The following LONP1 variants were observed in gnomAD, a reference collection of about 807,000 sequenced individuals.
LONP1 encodes the protein lon protease homolog, mitochondrial.
In LONP1, 31 loss-of-function variants were observed where a neutral mutation model predicts 98.5. That is an observed-to-expected ratio of 0.31 (90% CI 0.24 to 0.42). The LOEUF (loss-of-function observed/expected upper bound fraction) is 0.42, where lower values mean the gene tolerates loss of function less well. Ranked by LOEUF, LONP1 falls within the 20% of genes least tolerant of loss-of-function variation. LONP1 has a pLI of 1.00. For synonymous variants in LONP1, 781 were observed against 594.7 expected (o/e 1.31, Z -4.56); for missense variants, 1,336 against 1,350.6 (o/e 0.99, Z 0.17).
intron 15 of LONP1, 37 bp from the exon 16 acceptor site, chr19:5,693,806 C>G (rs753796313): frequency 6.3e-7 from 1 of 1,574,876 alleles, no homozygotes; most frequent in African/African-American, 1.4e-5. Context: ...CGGGAGGCCT[C>G]GGAGCCCAGG....
At chr19:5,700,762 C>G in intron 9 of LONP1, 27 bp downstream of exon 9, 1 of 1,613,148 alleles carries the variant, frequency 6.2e-7, no homozygotes, top group Non-Finnish European at 8.5e-7. Flanking sequence ...ACATGCAAAT[C>G]CACAACAGGC....
chr19:5,694,688 T>TGGAAAGGTGGGGTGATCAG, intron 14 of LONP1, 73 bp downstream of exon 14: 1 of 1,490,786 alleles, frequency 6.7e-7, no homozygotes, highest in Non-Finnish European at 9.2e-7. Flanking sequence ...ATGATGGGCA[T>TGGAAAGGTGGGGTGATCAG]GGAAAGGTGG....
rs1363467029 is a variant in LONP1 at position 5,720,123 on chromosome 19, T to C, written c.10A>G (p.Ser4Gly). ...CCCCACAGTCGCACGTAGCCAGTGCTCGCCGCCATAGCCCGGCCATACTGG... is the reference window on the plus strand; with the variant it reads ...CCCCACAGTCGCACGTAGCCAGTGCCCGCCGCCATAGCCCGGCCATACTGG... The part of the protein sequence containing the change: MAA[S>G]TGYVRLWGAA... The change falls in exon 1 of 18, where the codon AGC becomes GGC. Residue 4 changes from serine to glycine, a missense_variant. Ser to Gly is a moderately conservative substitution (Grantham distance 56). Coordinates refer to ENST00000360614, the MANE Select transcript of LONP1 (RefSeq NM_004793.4). 6 of 1,425,652 alleles carry C rather than the reference T, an allele frequency of 4.2e-6. No homozygotes were observed. Among genetic ancestry groups the C allele is most frequent in the Non-Finnish European group, 5.5e-6 (6 of 1,098,426 alleles). 88.3% of individuals were successfully genotyped at this position (1,425,652 alleles called of 1,614,324 possible). A position where few individuals can be genotyped will look rare whatever the true frequency, so the allele number is the denominator to read the frequency against.
chr19:5,697,321 T>G (rs1399065785), intron 10 of LONP1, among the ~76,000 whole-genome samples: 2 of 151,524 alleles, frequency 1.3e-5, no homozygotes, highest in Non-Finnish European at 2.9e-5. Flanking sequence ...ACTTTAAGTG[T>G]GCAGGGGGGT....
chr19:5,703,219 C>G (rs947681711), intron 8 of LONP1, among the ~76,000 whole-genome samples: 6 of 151,790 alleles, frequency 4.0e-5, no homozygotes, highest in South Asian at 2.1e-4. Context: ...ACTGCCCTGT[C>G]CAAAGCACCC....
Position 5,705,851 on chromosome 19 carries a change from C to T in LONP1, c.1288G>A (p.Val430Ile), listed in dbSNP as rs1272195526. Residue 430 changes from valine to isoleucine, a missense_variant, in exon 8 of 18, where the codon GTC becomes ATC. Transcript: ENST00000360614. The part of the protein sequence containing the change: ...KFRERLKELV[V>I]PKHVMDVVDE... Reference sequence around the variant, plus strand: ...ACAACATCCATGACGTGCTTGGGGACCACGAGCTCCTTCAGGCGCTCCCGG... The same window carrying T: ...ACAACATCCATGACGTGCTTGGGGATCACGAGCTCCTTCAGGCGCTCCCGG... 2 of 1,614,204 alleles carry T rather than the reference C, an allele frequency of 1.2e-6. No homozygotes were observed. The highest frequency in any genetic ancestry group is 8.5e-7 in the Non-Finnish European group (1 of 1,180,038).
rs1325673934 is a variant in LONP1, at chr19:5,707,073, C to T, written c.1133G>A (p.Arg378His). Reference protein sequence around the residue: ...KEFELSKLQQRLGREVEEKIK... With the variant: ...KEFELSKLQQHLGREVEEKIK... ...CCGCGGGCTCACCTCCCGCCCCAGG[C>T]GCTGCTGCAGCTTGCTCAGTTCAAA... The change falls in exon 7 of 18, where the codon CGC (arginine) becomes CAC (histidine). Residue 378 changes from arginine to histidine, a missense_variant. Arg to His is a conservative substitution (Grantham distance 29, BLOSUM62 0). Transcript: ENST00000360614. The T allele has an allele frequency of 5.6e-6, 9 of 1,611,748 alleles. No homozygotes were observed. Among genetic ancestry groups the T allele is most frequent in the African/African-American group, 2.7e-5 (2 of 74,938 alleles).
chr19:5,720,007 G>C lies in LONP1; in HGVS notation c.126C>G (p.Gly42=). The C allele has an allele frequency of 6.3e-7, 1 of 1,575,000 alleles. No homozygotes were observed. The highest frequency in any genetic ancestry group is 8.6e-7 in the Non-Finnish European group (1 of 1,163,078). ...PTAAGAWLLR[G]QRTCDASPPW... ...GAGGAGAGGCGTCGCAGGTCCGCTGGCCTCGGAGCAACCACGCTCCTGCTG... is the reference window on the plus strand; with the variant it reads ...GAGGAGAGGCGTCGCAGGTCCGCTGCCCTCGGAGCAACCACGCTCCTGCTG... Residue 42 remains glycine, a synonymous_variant, in exon 1 of 18, where the codon GGC becomes GGG. Transcript: ENST00000360614.
chr19:5,713,396 C>T, intron 2 of LONP1, 143 bp from the exon 3 acceptor site: 1 of 1,011,050 alleles, frequency 9.9e-7, no homozygotes, highest in Non-Finnish European at 1.5e-6. Flanking sequence ...TTGGCTCCCG[C>T]AGGAGCTCCA....
Position 5,693,595 on chromosome 19 carries a change from T to A in LONP1, c.2495A>T (p.Asn832Ile). 6.2e-7 allele frequency: 1 copy of A among 1,614,084 alleles called. No individual in the cohort carries two copies. Among genetic ancestry groups the A allele is most frequent in the Non-Finnish European group, 8.5e-7 (1 of 1,179,980 alleles). ...RAFLMQHAPANDYLVTSHIHL... is the reference protein window; with the variant it reads ...RAFLMQHAPAIDYLVTSHIHL... ...GATGTGTGAGGTCACCAGGTAGTCA[T>A]TGGCGGGGGCGTGCTGCATGAGGAA... Residue 832 changes from asparagine (N) to isoleucine (I), a missense_variant, in exon 16 of 18, where the codon AAT (asparagine) becomes ATT (isoleucine). By Grantham distance (149) the Asn-to-Ile change is moderately radical (BLOSUM62 -3). This residue lies in a region of LONP1 where 555 missense variants were observed against 542.6 expected (regional missense o/e 1.02). Coordinates refer to ENST00000360614, the MANE Select transcript of LONP1 (RefSeq NM_004793.4).
intron 9 of LONP1, among the ~76,000 whole-genome samples, 153 bp from the exon 10 acceptor site, chr19:5,699,358 C>T (rs1208254147): frequency 6.6e-6 from 1 of 152,326 alleles, no homozygotes; most frequent in East Asian, 1.9e-4. Context: ...AGAGCTGCCA[C>T]TGGCCACGGG....
At chr19:5,704,025 A>T (rs2055103728) in intron 8 of LONP1, among the ~76,000 whole-genome samples, 1 of 152,286 alleles carries the variant, frequency 6.6e-6, no homozygotes, top group Admixed American at 6.5e-5. Context: ...CTCACATGGC[A>T]GCAGGGAACT....
chr19:5,705,989 C>T lies in LONP1; in HGVS notation c.1150G>A (p.Glu384Lys). The change falls in exon 8 of 18, where the codon GAG becomes AAG. Residue 384 changes from glutamate (E) to lysine (K), a missense_variant. Glu to Lys is a moderately conservative substitution (Grantham distance 56, BLOSUM62 1). This residue lies in a region of LONP1 where 219 missense variants were observed against 241.0 expected (regional missense o/e 0.91). Transcript: ENST00000360614. Reference sequence around the variant, plus strand: ...CGGTGGGTCTGCTTGATCTTCTCCTCCACCTGTGGGGTGAGGTGCTGCCAT... The same window carrying T: ...CGGTGGGTCTGCTTGATCTTCTCCTTCACCTGTGGGGTGAGGTGCTGCCAT... ...KLQQRLGREV[E>K]EKIKQTHRKY... The T allele has an allele frequency of 6.2e-7, 1 of 1,610,690 alleles. No homozygotes were observed. Among genetic ancestry groups the T allele is most frequent in the East Asian group, 2.2e-5 (1 of 44,846 alleles).
chr19:5,716,487 T>C (rs1220075103), intron 1 of LONP1, among the ~76,000 whole-genome samples: 1 of 150,680 alleles, frequency 6.6e-6, no homozygotes, highest in Non-Finnish European at 1.5e-5. Context: ...AGAGCCAGTG[T>C]TTTGACTCAC....
Position 5,696,767 on chromosome 19 carries a change from C to T in LONP1, c.1686-10G>A. 1.3e-6 allele frequency: 2 copies of T among 1,599,834 alleles called. No individual in the cohort carries two copies. The highest frequency in any genetic ancestry group is 1.7e-6 in the Non-Finnish European group (2 of 1,168,376). ...GCCCACGTAGGTCCGCCTGTGGGTG[C>T]ACAGCGGGGTCAGAGGTCACTTGGT... On this transcript the variant is annotated splice_polypyrimidine_tract_variant and intron_variant, in intron 10 of 17. Transcript: ENST00000360614.
rs1356008275 is a variant in LONP1 at position 5,697,158 on chromosome 19, T to C, written c.1686-401A>G. 6.6e-5 allele frequency among the ~76,000 whole-genome samples: 10 copies of C among 152,032 alleles called. No homozygotes were observed. In the South Asian group the frequency reaches 2.1e-3, roughly 31 times the overall value. The stretch of plus-strand genomic sequence containing the variant: ...GCTCTCAGGAGGGCTTCCTGCAAGC[T>C]CTGTGCTCTGCCCCAGCACAGGGGC... On this transcript the variant is annotated intron_variant, in intron 10 of 17. Transcript: ENST00000360614.
intron 8 of LONP1, among the ~76,000 whole-genome samples, chr19:5,704,468 A>G (rs2055111233): frequency 6.6e-6 from 1 of 152,082 alleles, no homozygotes; most frequent in South Asian, 2.1e-4. Flanking sequence ...TTCAAATCTG[A>G]GGCGGGGTCC....
intron 17 of LONP1, 53 bp from the exon 18 acceptor site, chr19:5,692,261 T>C: frequency 6.5e-7 from 1 of 1,534,742 alleles, no homozygotes; most frequent in Non-Finnish European, 8.8e-7. Flanking sequence ...GGGCAGCAGG[T>C]GTGCTAACCT....
At chr19:5,712,686 G>C (rs1002119955) in intron 3 of LONP1, among the ~76,000 whole-genome samples, 1 of 152,160 alleles carries the variant, frequency 6.6e-6, no homozygotes, top group South Asian at 2.1e-4. Flanking sequence ...ATAGAAACAG[G>C]GTCTTGCTGT....
Sources: gnomAD v4.1 joint callset for allele counts (sites outside exome capture counted in the v4.1 genomes callset) on GRCh38, gnomAD v4.1.1 for gene constraint, gnomAD v4.1.1 regional missense constraint, MANE v1.5 for transcripts, NCBI Gene and HGNC (gene_info 2026-07-23, HGNC 2026-07-21) for gene names.